Variants in MAST4 observed in about 807,000 individuals in gnomAD.
MAST4 encodes the protein microtubule associated serine/threonine kinase family member 4, also known as microtubule-associated serine/threonine-protein kinase 4.
MAST4 carries 89 observed loss-of-function variants against 162.7 expected under a neutral mutation model. The observed-to-expected ratio is 0.55, with a 90% CI of 0.46 to 0.65. The LOEUF (loss-of-function observed/expected upper bound fraction) is 0.65, where lower values mean the gene tolerates loss of function less well. Ranked by LOEUF, MAST4 falls within the 30% of genes least tolerant of loss-of-function variation. The pLI is 0.00. For synonymous variants in MAST4, 1,479 were observed against 1,361.1 expected (o/e 1.09, Z -1.91); for missense variants, 3,153 against 3,374.0 (o/e 0.93, Z 1.62).
intron 14 of MAST4, 25 bp from the exon 15 acceptor site, chr5:67,130,184 AC>A (rs1768791135): frequency 2.5e-6 from 4 of 1,593,150 alleles, no homozygotes; most frequent in Non-Finnish European, 3.4e-6. Context: ...CCTCCTGTCA[AC>A]CCCAATACTT....
chr5:66,704,477 C>G (rs878903031), intron 1 of MAST4, among the ~76,000 whole-genome samples: 1 of 148,516 alleles, frequency 6.7e-6, no homozygotes, highest in Admixed American at 6.7e-5. Context: ...TGCATCCTCT[C>G]TGTTGCTTGT....
At chr5:66,703,829 T>G (rs1164411777) in intron 1 of MAST4, among the ~76,000 whole-genome samples, 1 of 152,200 alleles carries the variant, frequency 6.6e-6, no homozygotes, top group African/African-American at 2.4e-5. Flanking sequence ...CAGTTTGATC[T>G]CTTTAGGCAA....
intron 3 of MAST4, among the ~76,000 whole-genome samples, chr5:66,799,560 C>T (rs1425265547): frequency 1.3e-5 from 2 of 152,106 alleles, no homozygotes; most frequent in Non-Finnish European, 1.5e-5. Context: ...TTGGTTGTGC[C>T]TATAGCACCT....
intron 3 of MAST4, among the ~76,000 whole-genome samples, chr5:66,833,076 G>A (rs1757726317): frequency 6.6e-6 from 1 of 152,068 alleles, no homozygotes; most frequent in Admixed American, 6.6e-5. Flanking sequence ...TCAAAATCTT[G>A]TGTTCAGAAA....
intron 3 of MAST4, among the ~76,000 whole-genome samples, chr5:66,845,881 CTTCTG>C (rs1346114702): frequency 1.3e-5 from 2 of 152,102 alleles, no homozygotes; most frequent in Non-Finnish European, 2.9e-5. Flanking sequence ...ATTTGGCCCT[CTTCTG>C]TGCTGGGACT....
intron 4 of MAST4, among the ~76,000 whole-genome samples, chr5:66,919,703 C>A (rs1175316748): frequency 6.7e-6 from 1 of 149,292 alleles, no homozygotes; most frequent in Non-Finnish European, 1.5e-5. Flanking sequence ...TAAACAGTTA[C>A]CTTCTCTAGT....
chr5:66,765,525 A>G (rs1183513378), intron 2 of MAST4, among the ~76,000 whole-genome samples: 2 of 152,146 alleles, frequency 1.3e-5, no homozygotes, highest in South Asian at 2.1e-4. Context: ...TTTTTGATCC[A>G]CAGTTCGTTG....
intron 4 of MAST4, among the ~76,000 whole-genome samples, chr5:66,909,528 C>T (rs1020618581): frequency 3.9e-5 from 6 of 152,248 alleles, no homozygotes; most frequent in Admixed American, 1.3e-4. Flanking sequence ...ATCTTTATTT[C>T]GTAAACAAGG....
intron 2 of MAST4, 79 bp from the exon 3 acceptor site, chr5:66,788,591 A>AGG: frequency 1.6e-6 from 1 of 618,924 alleles, no homozygotes; most frequent in Non-Finnish European, 2.9e-6. Context: ...AGGAAGAGAC[A>AGG]CCCCACCCCC....
intron 1 of MAST4, among the ~76,000 whole-genome samples, chr5:66,649,469 TCTGTGA>T (rs1746074224): frequency 6.6e-6 from 1 of 152,188 alleles, no homozygotes; most frequent in Non-Finnish European, 1.5e-5. Context: ...TTCACAGCCA[TCTGTGA>T]TGCCTTTGAT....
At chr5:67,026,177 G>A (rs570105571) in intron 4 of MAST4, among the ~76,000 whole-genome samples, 4 of 152,278 alleles carry the variant, frequency 2.6e-5, no homozygotes, top group South Asian at 2.1e-4. Context: ...GAGAAGTGGC[G>A]AGCAAAATTT....
rs927000586 is a variant in MAST4 at position 66,836,299 on chromosome 5, A to T, written c.642+47505A>T. Among the ~76,000 whole-genome samples, 5 of 152,314 alleles carry T rather than the reference A, an allele frequency of 3.3e-5. No individual in the cohort carries two copies. In the East Asian group the frequency reaches 9.6e-4, roughly 29 times the overall value. Reference sequence around the variant, plus strand: ...ACAGATCATTTAAAATATGCATTATATGTTGGTGAGGTGCAGAGAAAAGGC... The same window carrying T: ...ACAGATCATTTAAAATATGCATTATTTGTTGGTGAGGTGCAGAGAAAAGGC... On this transcript the variant is annotated intron_variant, in intron 3 of 28. Coordinates refer to ENST00000403625, the MANE Select transcript of MAST4 (RefSeq NM_001164664.2).
intron 4 of MAST4, among the ~76,000 whole-genome samples, chr5:67,018,386 G>A (rs549981764): frequency 3.9e-5 from 6 of 152,126 alleles, no homozygotes; most frequent in East Asian, 1.9e-4. Context: ...TTAAACATTC[G>A]TGCCTGTGGT....
intron 4 of MAST4, among the ~76,000 whole-genome samples, chr5:66,915,023 G>C (rs186196392): frequency 6.6e-6 from 1 of 152,232 alleles, no homozygotes; most frequent in Admixed American, 6.5e-5. Context: ...AGCACTTTGG[G>C]AGGCAGAGGT....
intron 13 of MAST4, among the ~76,000 whole-genome samples, chr5:67,119,988 G>A (rs1237026570): frequency 6.6e-6 from 1 of 152,200 alleles, no homozygotes; most frequent in Non-Finnish European, 1.5e-5. Flanking sequence ...AATTAAAAGA[G>A]TAATAGTGAG....
chr5:66,698,055 C>T (rs892596647), intron 1 of MAST4, among the ~76,000 whole-genome samples: 1 of 151,892 alleles, frequency 6.6e-6, no homozygotes, highest in Non-Finnish European at 1.5e-5. Context: ...GCTTCAGTGG[C>T]TCTACCTGTT....
intron 22 of MAST4, 132 bp from the exon 23 acceptor site, chr5:67,145,012 T>C (rs1030180890): frequency 1.1e-6 from 1 of 902,310 alleles, no homozygotes; most frequent in African/African-American, 1.7e-5. Context: ...TACCACACAT[T>C]AAGAACCATT....
intron 4 of MAST4, among the ~76,000 whole-genome samples, chr5:66,911,306 C>G (rs1361545564): frequency 2.6e-5 from 4 of 152,140 alleles, no homozygotes; most frequent in African/African-American, 7.2e-5. Context: ...TGACTACAGT[C>G]TATATGTTTG....
At chr5:66,911,595 G>C (rs188288759) in intron 4 of MAST4, among the ~76,000 whole-genome samples, 20 of 121,496 alleles carry the variant, frequency 1.6e-4, no homozygotes, top group Non-Finnish European at 2.7e-4. Flanking sequence ...AATTAGCTAG[G>C]CATGGTGGCA....
Sources: gnomAD v4.1 joint callset for allele counts (sites outside exome capture counted in the v4.1 genomes callset) on GRCh38, gnomAD v4.1.1 for gene constraint, MANE v1.5 for transcripts, NCBI Gene and HGNC (gene_info 2026-07-23, HGNC 2026-07-21) for gene names.